ATIC: variants seen among roughly 807,000 people sequenced by gnomAD.
ATIC encodes the protein 5-aminoimidazole-4-carboxamide ribonucleotide formyltransferase/IMP cyclohydrolase.
ATIC carries 64 observed loss-of-function variants against 72.5 expected under a neutral mutation model. The observed-to-expected ratio is 0.88, with a 90% CI of 0.72 to 1.09. The LOEUF (loss-of-function observed/expected upper bound fraction) is 1.09, where lower values mean the gene tolerates loss of function less well. Among genes scored for constraint, ATIC ranks in the 50% least tolerant of loss-of-function variants. ATIC has a pLI of 0.00. For synonymous variants in ATIC, 281 were observed against 267.1 expected (o/e 1.05, Z -0.51); for missense variants, 787 against 732.4 (o/e 1.07, Z -0.86).
In ATIC at chr2:215,321,513, T is replaced by TG. The variant is rs543885142; in HGVS notation, c.290+1784dup. Among the ~76,000 whole-genome samples the TG allele has an allele frequency of 5.3e-4, 81 of 152,334 alleles. 1 individual carries two copies. In the South Asian group the frequency reaches 0.016, roughly 30 times the overall value. On this transcript the variant is annotated intron_variant, in intron 4 of 15. Transcript: ENST00000236959. Reference sequence around the variant, plus strand: ...GTATATACCTAGGAGTGGAATTCCTTGGTCATATGGTAACTATGTTTAGCT... The same window carrying TG: ...GTATATACCTAGGAGTGGAATTCCTTGGGTCATATGGTAACTATGTTTAGCT...
chr2:215,331,596 C>A (rs1178966473), intron 7 of ATIC, among the ~76,000 whole-genome samples: 1 of 152,052 alleles, frequency 6.6e-6, no homozygotes, highest in East Asian at 1.9e-4. Context: ...GTTGACCAGG[C>A]TGATCTCGAA....
intron 7 of ATIC, among the ~76,000 whole-genome samples, chr2:215,329,353 C>G (rs1239299399): frequency 6.6e-6 from 1 of 152,134 alleles, no homozygotes; most frequent in Non-Finnish European, 1.5e-5. Flanking sequence ...GTGTGCGTTT[C>G]TTTTGAAGTT....
chr2:215,342,483 A>T (rs1029373127), intron 12 of ATIC, among the ~76,000 whole-genome samples: 1 of 152,180 alleles, frequency 6.6e-6, no homozygotes, highest in African/African-American at 2.4e-5. Context: ...CAACCATGCC[A>T]TTGACATTGA....
At chr2:215,339,720 C>T (rs775273388) in intron 12 of ATIC, among the ~76,000 whole-genome samples, 36 of 146,596 alleles carry the variant, frequency 2.5e-4, no homozygotes, top group Admixed American at 5.4e-4. Flanking sequence ...CTGCAAGCTC[C>T]GCCTCCCGGG....
At chr2:215,361,974 T>G in the ATIC span, 1 of 1,613,260 alleles carries the variant, frequency 6.2e-7, no homozygotes, top group Non-Finnish European at 8.5e-7. Context: ...CTTACAGTGT[T>G]TGTTCTCTGA....
At chr2:215,353,162 C>T (rs1363306083), downstream of ATIC, among the ~76,000 whole-genome samples, 2 of 151,956 alleles carry the variant, frequency 1.3e-5, no homozygotes, top group Admixed American at 6.6e-5. Context: ...TTTTGTGAAC[C>T]TTTCCCTTTG....
chr2:215,324,498 G>A (rs750109194), intron 4 of ATIC, among the ~76,000 whole-genome samples: 14 of 152,102 alleles, frequency 9.2e-5, no homozygotes, highest in Non-Finnish European at 1.8e-4. Flanking sequence ...CATTTGTCTG[G>A]TTTTAGTAGG....
downstream of ATIC, among the ~76,000 whole-genome samples, chr2:215,352,597 TTAAAC>T (rs1450794211): frequency 3.3e-5 from 5 of 150,794 alleles, no homozygotes; most frequent in African/African-American, 7.4e-5. Context: ...AAAAAAAAAA[TTAAAC>T]TATTAGAAAA....
intron 12 of ATIC, among the ~76,000 whole-genome samples, chr2:215,342,201 A>G (rs975095118): frequency 1.3e-5 from 2 of 152,238 alleles, no homozygotes; most frequent in Admixed American, 6.5e-5. Flanking sequence ...CTAGACATCT[A>G]TGAAGCTGGC....
chr2:215,349,371 A>G (rs1384181667), intron 15 of ATIC, 122 bp downstream of exon 15: 1 of 1,572,562 alleles, frequency 6.4e-7, no homozygotes, highest in Non-Finnish European at 8.7e-7. Context: ...TATTCAGAGA[A>G]CCATTTGACT....
chr2:215,321,734 C>G (rs1360858234), intron 4 of ATIC, among the ~76,000 whole-genome samples: 1 of 152,154 alleles, frequency 6.6e-6, no homozygotes, highest in Non-Finnish European at 1.5e-5. Flanking sequence ...TGTGGAACAC[C>G]GTTGGATGTG....
chr2:215,348,277 GTAGT>G (rs1006436039), intron 14 of ATIC, among the ~76,000 whole-genome samples: 4 of 152,152 alleles, frequency 2.6e-5, no homozygotes, highest in African/African-American at 9.7e-5. Flanking sequence ...TTGTATAAAT[GTAGT>G]TAAAGAACTA....
chr2:215,352,516 A>G (rs2053138056), downstream of ATIC, among the ~76,000 whole-genome samples: 1 of 152,040 alleles, frequency 6.6e-6, no homozygotes, highest in African/African-American at 2.4e-5. Context: ...TGGGAGGCAG[A>G]GCTTGCAGTG....
At chr2:215,320,166 T>C (rs1035144813) in intron 4 of ATIC, among the ~76,000 whole-genome samples, 4 of 152,210 alleles carry the variant, frequency 2.6e-5, no homozygotes, top group Non-Finnish European at 4.4e-5. Flanking sequence ...TTAGGAATTA[T>C]CAACTTGCAC....
intron 14 of ATIC, 99 bp from the exon 15 acceptor site, chr2:215,348,995 A>C: frequency 8.4e-7 from 1 of 1,186,536 alleles, no homozygotes; most frequent in Non-Finnish European, 1.2e-6. Flanking sequence ...AACAAGTCCT[A>C]AGAAAAATGC....
intron 4 of ATIC, among the ~76,000 whole-genome samples, chr2:215,320,129 G>C (rs1023001339): frequency 1.3e-5 from 2 of 152,144 alleles, no homozygotes; most frequent in Non-Finnish European, 2.9e-5. Flanking sequence ...TCAGATTTTG[G>C]AGCATTTCAG....
At chr2:215,351,714 ATACTC>A (rs1463060307), downstream of ATIC, among the ~76,000 whole-genome samples, 4 of 152,234 alleles carry the variant, frequency 2.6e-5, no homozygotes, top group East Asian at 1.9e-4. Context: ...ATTTACATCA[ATACTC>A]TACTGAGGGG....
At chr2:215,355,368 G>A in the ATIC span, among the ~76,000 whole-genome samples, 1 of 152,170 alleles carries the variant, frequency 6.6e-6, no homozygotes, top group African/African-American at 2.4e-5. Context: ...CCAGCAGAAG[G>A]ACAGAAGATC....
At chr2:215,317,738 C>G (rs1465780449) in intron 2 of ATIC, among the ~76,000 whole-genome samples, 1 of 152,182 alleles carries the variant, frequency 6.6e-6, no homozygotes, top group East Asian at 1.9e-4. Flanking sequence ...ATCCACCTGC[C>G]TCAGCCTTCC....
Sources: allele counts gnomAD v4.1 joint callset (sites outside exome capture counted in the v4.1 genomes callset), GRCh38; gene constraint gnomAD v4.1.1; transcripts MANE v1.5; gene names NCBI Gene and HGNC (gene_info 2026-07-23, HGNC 2026-07-21).